Variants in CCDC33 observed in about 807,000 individuals in gnomAD.
CCDC33 encodes the protein coiled-coil domain containing 33, also known as coiled-coil domain-containing protein 33.
In CCDC33, 94 loss-of-function variants were observed where a neutral mutation model predicts 91.9. That is an observed-to-expected ratio of 1.02 (90% CI 0.87 to 1.21). The LOEUF is 1.21. Among genes scored for constraint, CCDC33 ranks in the 50% most tolerant of loss-of-function variants. The pLI, the probability that CCDC33 is intolerant of heterozygous loss-of-function variation, is 0.00. For synonymous variants in CCDC33, 396 were observed against 374.5 expected (o/e 1.06, Z -0.66); for missense variants, 940 against 935.5 (o/e 1.00, Z -0.06).
At chr15:74,336,441 A>C, downstream of CCDC33, 1 of 1,288,470 alleles carries the variant, frequency 7.8e-7, no homozygotes, top group Non-Finnish European at 1.0e-6. Context: ...CTGCCCCAAA[A>C]CATCTATCAT....
In CCDC33 at chr15:74,295,783, C is replaced by T. The variant is rs2059673984; in HGVS notation, c.1125C>T (p.Asn375=). 6.2e-7 allele frequency: 1 copy of T among 1,613,646 alleles called. No individual in the cohort carries two copies. The highest frequency in any genetic ancestry group is 8.5e-7 in the Non-Finnish European group (1 of 1,179,812). ...CAGAAAACTTCTTGACACCAAACAA[C>T]AGCAAGGCTCTTCCTACCTTGGACC... ...ERPENFLTPN[N]SKALPTLDPK... The change falls in exon 11 of 19, where the codon AAC becomes AAT. Residue 375 remains asparagine, a synonymous_variant. Transcript: ENST00000398814.
intron 11 of CCDC33, among the ~76,000 whole-genome samples, chr15:74,308,867 T>C (rs541964614): frequency 2.0e-5 from 3 of 152,250 alleles, no homozygotes; most frequent in African/African-American, 7.2e-5. Context: ...CATCTCACTC[T>C]TCCTCCTCAG....
At chr15:74,290,182 CTTT>C (rs3057599) in intron 10 of CCDC33, among the ~76,000 whole-genome samples, 1 of 145,538 alleles carries the variant, frequency 6.9e-6, no homozygotes. Context: ...GTTTCTTTTC[CTTT>C]TTTTTTTTTT....
At position 74,333,256 on chromosome 15, in the gene CCDC33, G is replaced by A. The variant is rs748787379; in HGVS notation, c.1938+411G>A. 7.5e-6 allele frequency: 12 copies of A among 1,603,244 alleles called. No individual in the cohort carries two copies. In the South Asian group the frequency reaches 1.4e-4, roughly 18 times the overall value. On this transcript the variant is annotated intron_variant, in intron 16 of 18. Coordinates refer to ENST00000398814, the MANE Select transcript of CCDC33 (RefSeq NM_025055.5). Reference sequence around the variant, plus strand: ...GGGAGTTGGGAGCAGGAGGAGACTTGACAGAGAGGCTACAAGAGACGCATG... The same window carrying A: ...GGGAGTTGGGAGCAGGAGGAGACTTAACAGAGAGGCTACAAGAGACGCATG...
chr15:74,282,242 A>G (rs553160183), intron 10 of CCDC33, among the ~76,000 whole-genome samples: 1 of 152,248 alleles, frequency 6.6e-6, no homozygotes, highest in Non-Finnish European at 1.5e-5. Flanking sequence ...GGTGGCTGGA[A>G]TCAAGATGTT....
chr15:74,320,826 C>T (rs897931903), intron 11 of CCDC33, among the ~76,000 whole-genome samples: 1 of 152,234 alleles, frequency 6.6e-6, no homozygotes, highest in African/African-American at 2.4e-5. Flanking sequence ...TCTCAGTCCT[C>T]CCTCGCCTGC....
chr15:74,308,088 G>A (rs1192711207), intron 11 of CCDC33, among the ~76,000 whole-genome samples: 2 of 152,062 alleles, frequency 1.3e-5, no homozygotes, highest in African/African-American at 4.8e-5. Context: ...AGGTGGGCAC[G>A]TCCCCCTTGG....
intron 2 of CCDC33, among the ~76,000 whole-genome samples, chr15:74,226,309 A>G (rs1441072976): frequency 6.6e-6 from 1 of 152,214 alleles, no homozygotes; most frequent in Non-Finnish European, 1.5e-5. Context: ...CCAGTTGCAT[A>G]TGAGCAGTTA....
intron 11 of CCDC33, among the ~76,000 whole-genome samples, chr15:74,318,030 G>A (rs1386343680): frequency 6.6e-6 from 1 of 151,848 alleles, no homozygotes; most frequent in African/African-American, 2.4e-5. Flanking sequence ...CCAGGCGTGG[G>A]GCCCTAAGCC....
At chr15:74,298,273 G>C (rs746371211) in intron 11 of CCDC33, among the ~76,000 whole-genome samples, 8 of 152,102 alleles carry the variant, frequency 5.3e-5, no homozygotes, top group Non-Finnish European at 1.0e-4. Context: ...GATGATGATG[G>C]TGGTGGTGAT....
At chr15:74,256,577 C>T (rs1429225379) in intron 2 of CCDC33, among the ~76,000 whole-genome samples, 2 of 152,134 alleles carry the variant, frequency 1.3e-5, no homozygotes, top group Non-Finnish European at 2.9e-5. Flanking sequence ...GACAGGTCCA[C>T]CCATTGCGGC....
chr15:74,333,907 G>A lies in CCDC33; in HGVS notation c.1965G>A (p.Lys655=). Residue 655 remains lysine, a synonymous_variant, in exon 17 of 19, where the codon AAG becomes AAA. Transcript: ENST00000398814. The part of the protein sequence containing the change: ...LPDLLSGTSD[K]FNLLAKLEHA... ...ATCTCCTCTCTGGTACTTCAGACAA[G>A]TTCAACCTCCTGGCCAAGCTGGAAC... 1 of 1,613,710 alleles carries A rather than the reference G, an allele frequency of 6.2e-7. No homozygotes were observed. Among genetic ancestry groups the A allele is most frequent in the Non-Finnish European group, 8.5e-7 (1 of 1,179,742 alleles).
intron 2 of CCDC33, among the ~76,000 whole-genome samples, chr15:74,210,779 TATTGGC>T (rs2074354806): frequency 1.3e-5 from 2 of 152,148 alleles, no homozygotes; most frequent in Non-Finnish European, 2.9e-5. Flanking sequence ...TTAGACTAGG[TATTGGC>T]CAGTGACTTG....
intron 7 of CCDC33, among the ~76,000 whole-genome samples, chr15:74,275,367 C>T (rs2076424033): frequency 6.6e-6 from 1 of 152,220 alleles, no homozygotes; most frequent in South Asian, 2.1e-4. Context: ...CCACTCTTAA[C>T]AGAGCTGTAC....
Position 74,285,128 on chromosome 15 carries a change from G to A in CCDC33, c.1095+3279G>A, listed in dbSNP as rs551238675. On this transcript the variant is annotated intron_variant, in intron 10 of 18. Transcript: ENST00000398814. ...GACATGGTCAGTGCTGTCACAGAGC[G>A]GAAATGCTTCAGGAGAAATGAATGC... Among the ~76,000 whole-genome samples, 32 of 152,360 alleles carry A rather than the reference G, an allele frequency of 2.1e-4. No homozygotes were observed. The South Asian group carries it at 5.6e-3, about 27-fold the overall frequency.
intron 7 of CCDC33, among the ~76,000 whole-genome samples, chr15:74,279,437 T>C (rs2076531607): frequency 6.6e-6 from 1 of 152,256 alleles, no homozygotes; most frequent in Admixed American, 6.5e-5. Context: ...GTGTTTATCA[T>C]AGGAACACAG....
chr15:74,318,201 G>A (rs2060131953), intron 11 of CCDC33, among the ~76,000 whole-genome samples: 1 of 151,944 alleles, frequency 6.6e-6, no homozygotes, highest in Non-Finnish European at 1.5e-5. Context: ...AGAGAAAGGG[G>A]AGACAGGGTA....
chr15:74,260,694 C>T (rs2075998571), intron 2 of CCDC33, among the ~76,000 whole-genome samples: 1 of 152,140 alleles, frequency 6.6e-6, no homozygotes, highest in Admixed American at 6.5e-5. Context: ...CAAGCCTGTG[C>T]TCTTTCCAGG....
rs2059632114 is a variant in CCDC33, at chr15:74,293,973, G to A, written c.1096-1781G>A. 2.0e-5 allele frequency among the ~76,000 whole-genome samples: 3 copies of A among 152,154 alleles called. No individual in the cohort carries two copies. In the South Asian group the frequency reaches 6.2e-4, roughly 32 times the overall value. On this transcript the variant is annotated intron_variant, in intron 10 of 18. Transcript: ENST00000398814. ...CTGCACAGCAAATTTTATTTGAAAGGGGCATAAAAGAATAATTACTTAAAG... is the reference window on the plus strand; with the variant it reads ...CTGCACAGCAAATTTTATTTGAAAGAGGCATAAAAGAATAATTACTTAAAG...
Sources: gnomAD v4.1 joint callset for allele counts (sites outside exome capture counted in the v4.1 genomes callset) on GRCh38, gnomAD v4.1.1 for gene constraint, MANE v1.5 for transcripts, NCBI Gene and HGNC (gene_info 2026-07-23, HGNC 2026-07-21) for gene names.